TNRC6B: variants seen among roughly 807,000 people sequenced by gnomAD.
TNRC6B encodes the protein trinucleotide repeat-containing gene 6B protein.
In TNRC6B, 52 loss-of-function variants were observed where a neutral mutation model predicts 203.6. The ratio of observed to expected loss-of-function variants is 0.26; its 90% CI spans 0.20 to 0.32. The LOEUF is 0.32. TNRC6B is among the 10% of genes least tolerant of loss of function. TNRC6B has a pLI of 1.00. For missense variants in TNRC6B, 1,923 were observed against 2,286.2 expected, an observed-to-expected ratio of 0.84 and a Z score of 3.24; for synonymous variants, 838 against 845.7, an observed-to-expected ratio of 0.99 and a Z score of 0.16.
At chr22:40,292,978 A>G (rs1429509950) in intron 12 of TNRC6B, among the ~76,000 whole-genome samples, 1 of 152,106 alleles carries the variant, frequency 6.6e-6, no homozygotes, top group African/African-American at 2.4e-5. Flanking sequence ...TAACCCATAT[A>G]GTATAGAGCC....
At chr22:40,119,378 G>C (rs2068422259) in intron 2 of TNRC6B, among the ~76,000 whole-genome samples, 1 of 152,228 alleles carries the variant, frequency 6.6e-6, no homozygotes, top group South Asian at 2.1e-4. Context: ...GAGGTCAGGA[G>C]TTCCAGACCA....
rs2071215397 is a variant in TNRC6B at position 40,313,511 on chromosome 22, G to A, written c.4678+514G>A. ...GGTTTTTTAAAAGATATTAGGAAATGGAAAAGTTGGTGGATATAATAAAGG... is the reference window on the plus strand; with the variant it reads ...GGTTTTTTAAAAGATATTAGGAAATAGAAAAGTTGGTGGATATAATAAAGG... On this transcript the variant is annotated intron_variant, in intron 19 of 22. Coordinates refer to ENST00000454349, the MANE Select transcript of TNRC6B (RefSeq NM_001162501.2). 1.3e-5 allele frequency among the ~76,000 whole-genome samples: 2 copies of A among 152,066 alleles called. 1 individual carries two copies. The highest frequency in any genetic ancestry group is 4.1e-4 in the South Asian group (2 of 4,826).
intron 1 of TNRC6B, among the ~76,000 whole-genome samples, chr22:40,199,897 A>G (rs2069387693): frequency 6.6e-6 from 1 of 151,996 alleles, no homozygotes; most frequent in African/African-American, 2.4e-5. Flanking sequence ...TCTGGGTTCA[A>G]ACGATTCTCA....
At chr22:40,085,146 A>G (rs532161792) in intron 1 of TNRC6B, among the ~76,000 whole-genome samples, 6 of 152,316 alleles carry the variant, frequency 3.9e-5, no homozygotes, top group Non-Finnish European at 5.9e-5. Flanking sequence ...AACAGCTACC[A>G]TGTGAGCACT....
At chr22:40,212,326 T>C (rs1341420680) in intron 1 of TNRC6B, among the ~76,000 whole-genome samples, 2 of 152,264 alleles carry the variant, frequency 1.3e-5, no homozygotes, top group African/African-American at 4.8e-5. Flanking sequence ...TCCCTTTAGC[T>C]GACGCCTGTT....
At chr22:40,184,152 A>G (rs1390057611) in intron 1 of TNRC6B, among the ~76,000 whole-genome samples, 2 of 152,234 alleles carry the variant, frequency 1.3e-5, no homozygotes, top group African/African-American at 2.4e-5. Context: ...TTACTCATTC[A>G]TTCTGCAAAT....
At chr22:40,322,553 C>CATACACCAAGAAATATCAGAAT (rs2071347865) in intron 22 of TNRC6B, among the ~76,000 whole-genome samples, 1 of 152,220 alleles carries the variant, frequency 6.6e-6, no homozygotes, top group African/African-American at 2.4e-5. Flanking sequence ...ATATAAATTC[C>CATACACCAAGAAATATCAGAAT]ATACACCAAG....
At chr22:40,207,265 G>A (rs961738618) in intron 1 of TNRC6B, among the ~76,000 whole-genome samples, 2 of 151,928 alleles carry the variant, frequency 1.3e-5, no homozygotes, top group Non-Finnish European at 2.9e-5. Flanking sequence ...TAACATGGCT[G>A]GGCGCTGTGG....
intron 3 of TNRC6B, among the ~76,000 whole-genome samples, chr22:40,135,273 A>G (rs2068590063): frequency 6.6e-6 from 1 of 152,174 alleles, no homozygotes; most frequent in African/African-American, 2.4e-5. Flanking sequence ...CCCAGACTCA[A>G]GGGGAGGAGA....
chr22:40,199,736 A>T (rs1249004597), intron 1 of TNRC6B, among the ~76,000 whole-genome samples: 1 of 151,212 alleles, frequency 6.6e-6, no homozygotes, highest in East Asian at 1.9e-4. Context: ...TATCAGCGTT[A>T]ATGTTCTGAT....
chr22:40,084,833 A>T (rs1224340599), intron 1 of TNRC6B, among the ~76,000 whole-genome samples: 1 of 152,154 alleles, frequency 6.6e-6, no homozygotes, highest in Non-Finnish European at 1.5e-5. Flanking sequence ...AGTCATGCTC[A>T]GGAGTTTGGT....
chr22:40,189,563 A>G (rs1006628996), intron 1 of TNRC6B, among the ~76,000 whole-genome samples: 1 of 151,536 alleles, frequency 6.6e-6, no homozygotes, highest in Admixed American at 6.6e-5. Context: ...TTTCCTTGCT[A>G]CAGGATTTCT....
chr22:40,108,320 C>T (rs1240093155), intron 1 of TNRC6B, among the ~76,000 whole-genome samples: 2 of 152,182 alleles, frequency 1.3e-5, no homozygotes, highest in East Asian at 3.9e-4. Flanking sequence ...CTGCCTTGCC[C>T]TGGCCATCTC....
At chr22:40,061,372 G>A (rs1364579651) in intron 1 of TNRC6B, among the ~76,000 whole-genome samples, 1 of 151,278 alleles carries the variant, frequency 6.6e-6, no homozygotes, top group Non-Finnish European at 1.5e-5. Context: ...GCGCCACCAC[G>A]TCTGCCTAAT....
At chr22:40,140,232 A>C (rs1453175585) in intron 3 of TNRC6B, among the ~76,000 whole-genome samples, 1 of 152,254 alleles carries the variant, frequency 6.6e-6, no homozygotes, top group African/African-American at 2.4e-5. Flanking sequence ...TGAAACAAAA[A>C]AAAAACCACT....
intron 1 of TNRC6B, among the ~76,000 whole-genome samples, chr22:40,052,444 A>AT (rs908013463): frequency 0.019 from 991 of 51,924 alleles, 36 homozygotes; most frequent in Non-Finnish European, 0.02. Flanking sequence ...TGTGTATTGT[A>AT]TTTTTTTTTT....
intron 1 of TNRC6B, among the ~76,000 whole-genome samples, chr22:40,104,400 C>T (rs2068264469): frequency 6.6e-6 from 1 of 152,180 alleles, no homozygotes; most frequent in African/African-American, 2.4e-5. Flanking sequence ...CCATAGGAAA[C>T]CTATCAAGAG....
At chr22:40,250,804 T>C (rs2070180821) in intron 2 of TNRC6B, among the ~76,000 whole-genome samples, 3 of 152,178 alleles carry the variant, frequency 2.0e-5, no homozygotes, top group African/African-American at 7.2e-5. Flanking sequence ...TCTATACTCA[T>C]AGGGGAATCT....
chr22:40,209,916 G>A (rs1050913503), intron 1 of TNRC6B, among the ~76,000 whole-genome samples: 9 of 152,094 alleles, frequency 5.9e-5, no homozygotes, highest in African/African-American at 1.9e-4. Flanking sequence ...CTACTCTGGA[G>A]GCTGAGGCAG....
Sources: allele counts gnomAD v4.1 joint callset (sites outside exome capture counted in the v4.1 genomes callset), GRCh38; gene constraint gnomAD v4.1.1; transcripts MANE v1.5; gene names NCBI Gene and HGNC (gene_info 2026-07-23, HGNC 2026-07-21).